The following GREB1L variants were observed in gnomAD, a reference collection of about 807,000 sequenced individuals.
The protein encoded by GREB1L is GREB1-like protein.
Under a neutral mutation model 200.8 loss-of-function variants are expected in GREB1L, and 17 were observed. The observed-to-expected ratio is 0.08, with a 90% CI of 0.06 to 0.13. The LOEUF is 0.13. GREB1L is among the 10% of genes least tolerant of loss of function. GREB1L has a pLI of 1.00. For missense variants in GREB1L, 1,657 were observed against 2,367.7 expected (o/e 0.70, Z 6.23); for synonymous variants, 789 against 893.0 (o/e 0.88, Z 2.08).
Position 21,518,100 on chromosome 18 carries a change from C to T in GREB1L, c.5338C>T (p.Leu1780=), listed in dbSNP as rs920058631. The T allele has an allele frequency of 6.4e-7, 1 of 1,551,648 alleles. No individual in the cohort carries two copies. The highest frequency in any genetic ancestry group is 8.7e-7 in the Non-Finnish European group (1 of 1,146,946). The change falls in exon 31 of 33, where the codon CTA becomes TTA. Residue 1780 remains leucine (L), a synonymous_variant. Transcript: ENST00000424526. ...CTGTGCTCCCGACAGTGAACACACA[C>T]TACTGGCAGCCCCTGCACAGTTTCT... ...YICAPDSEHT[L]LAAPAQFLLE... is the part of the protein sequence containing the mutation.
At chr18:21,358,602 A>T (rs375312255) in intron 1 of GREB1L, among the ~76,000 whole-genome samples, 2 of 152,328 alleles carry the variant, frequency 1.3e-5, no homozygotes, top group African/African-American at 4.8e-5. Flanking sequence ...GGCATGAGCC[A>T]CCGCGCCCAG....
chr18:21,284,301 A>G (rs2038319351), intron 1 of GREB1L, among the ~76,000 whole-genome samples: 1 of 152,208 alleles, frequency 6.6e-6, no homozygotes, highest in South Asian at 2.1e-4. Flanking sequence ...TCACCCTCCA[A>G]AAGAAACCTG....
intron 10 of GREB1L, among the ~76,000 whole-genome samples, chr18:21,443,475 G>A (rs1255129910): frequency 6.6e-6 from 1 of 152,232 alleles, no homozygotes; most frequent in African/African-American, 2.4e-5. Flanking sequence ...CCAAAGTGCG[G>A]GGATTATAGG....
intron 32 of GREB1L, among the ~76,000 whole-genome samples, chr18:21,522,245 G>A (rs941687782): frequency 6.6e-6 from 1 of 152,052 alleles, no homozygotes; most frequent in African/African-American, 2.4e-5. Flanking sequence ...GGCCGAGGCA[G>A]GTGGATCACG....
chr18:21,507,432 A>G (rs1458764255), intron 25 of GREB1L, among the ~76,000 whole-genome samples: 2 of 152,206 alleles, frequency 1.3e-5, no homozygotes, highest in African/African-American at 4.8e-5. Context: ...TGCTGATGAA[A>G]ATTGATGGTA....
rs973794558 is a variant in GREB1L at position 21,518,095 on chromosome 18, A to G, written c.5333A>G (p.His1778Arg). 6.4e-7 allele frequency: 1 copy of G among 1,551,612 alleles called. No individual in the cohort carries two copies. The highest frequency in any genetic ancestry group is 8.7e-7 in the Non-Finnish European group (1 of 1,146,970). Residue 1778 changes from histidine (H) to arginine (R), a missense_variant, in exon 31 of 33, where the codon CAC (histidine) becomes CGC (arginine). Transcript: ENST00000424526. Reference protein sequence around the residue: ...LQYICAPDSEHTLLAAPAQFL... With the variant: ...LQYICAPDSERTLLAAPAQFL... ...TACATCTGTGCTCCCGACAGTGAACACACACTACTGGCAGCCCCTGCACAG... is the reference window on the plus strand; with the variant it reads ...TACATCTGTGCTCCCGACAGTGAACGCACACTACTGGCAGCCCCTGCACAG...
intron 28 of GREB1L, among the ~76,000 whole-genome samples, chr18:21,514,444 G>A (rs969805776): frequency 7.2e-5 from 11 of 152,196 alleles, no homozygotes; most frequent in East Asian, 1.9e-4. Context: ...GAACCCAAGA[G>A]GCAGATGTTG....
At chr18:21,264,476 A>G (rs1435069776) in intron 1 of GREB1L, among the ~76,000 whole-genome samples, 2 of 152,210 alleles carry the variant, frequency 1.3e-5, no homozygotes, top group Non-Finnish European at 2.9e-5. Context: ...TAAGGGTGTC[A>G]TGGATGTTCA....
At chr18:21,440,517 C>T in intron 9 of GREB1L, 129 bp downstream of exon 9, 1 of 921,308 alleles carries the variant, frequency 1.1e-6, no homozygotes, top group Non-Finnish European at 1.6e-6. Context: ...AATGTTTTGT[C>T]CCGATCACAT....
rs778253008 is a variant in GREB1L at position 21,452,186 on chromosome 18, GGCT to G, written c.1960_1962del (p.Ala654del). 6.4e-7 allele frequency: 1 copy of G among 1,551,730 alleles called. No homozygotes were observed. The highest frequency in any genetic ancestry group is 8.7e-7 in the Non-Finnish European group (1 of 1,146,952). On this transcript the variant is annotated inframe_deletion, in exon 14 of 33. Coordinates refer to ENST00000424526, the MANE Select transcript of GREB1L (RefSeq NM_001142966.3). ...TTAATGAATGTGTGTCACCCCAGGA[GGCT>G]GCTGCTATGATTCCCACACAAAACC...
chr18:21,268,560 C>CATATATATATATATATATATATAT (rs370094258), intron 1 of GREB1L, among the ~76,000 whole-genome samples: 3 of 63,534 alleles, frequency 4.7e-5, no homozygotes, highest in African/African-American at 2.2e-4. Flanking sequence ...CACACACACA[C>CATATATATATATATATATATATAT]ATATATATAT....
intron 21 of GREB1L, among the ~76,000 whole-genome samples, chr18:21,497,816 C>CG (rs981398546): frequency 8.0e-6 from 1 of 125,364 alleles, no homozygotes; most frequent in Non-Finnish European, 1.8e-5. Flanking sequence ...TCACCACCCC[C>CG]CCCCCTTTTT....
intron 20 of GREB1L, among the ~76,000 whole-genome samples, chr18:21,496,080 G>C (rs1315400248): frequency 2.6e-5 from 4 of 152,130 alleles, no homozygotes; most frequent in Non-Finnish European, 4.4e-5. Context: ...TTGTTAATCT[G>C]CTATTCCTGC....
At chr18:21,419,305 T>A (rs542769525) in intron 7 of GREB1L, among the ~76,000 whole-genome samples, 46 of 152,342 alleles carry the variant, frequency 3.0e-4, no homozygotes, top group African/African-American at 1.1e-3. Context: ...CGTGATTGTC[T>A]ATGTAGAAGA....
At chr18:21,390,952 GTGTTTTAAGTTTTA>G (rs1264472283) in intron 4 of GREB1L, among the ~76,000 whole-genome samples, 1 of 152,188 alleles carries the variant, frequency 6.6e-6, no homozygotes, top group Non-Finnish European at 1.5e-5. Flanking sequence ...CAAAGTGTTT[GTGTTTTAAGTTTTA>G]TTATGAATCA....
intron 11 of GREB1L, among the ~76,000 whole-genome samples, chr18:21,448,131 C>A (rs2145377494): frequency 6.9e-6 from 1 of 144,818 alleles, no homozygotes; most frequent in Admixed American, 7.0e-5. Context: ...CACTGCACTC[C>A]AGCCTGGATG....
chr18:21,433,610 T>G (rs2033321266), intron 7 of GREB1L, among the ~76,000 whole-genome samples: 1 of 152,182 alleles, frequency 6.6e-6, no homozygotes, highest in Non-Finnish European at 1.5e-5. Flanking sequence ...CACTCACAGG[T>G]GAGTAAGTCA....
intron 1 of GREB1L, among the ~76,000 whole-genome samples, chr18:21,298,328 A>G (rs1427334365): frequency 6.6e-6 from 1 of 152,102 alleles, no homozygotes; most frequent in Non-Finnish European, 1.5e-5. Context: ...TCTCTTTACT[A>G]GTTCAACAAG....
At chr18:21,298,525 A>G (rs1217985782) in intron 1 of GREB1L, among the ~76,000 whole-genome samples, 6 of 152,210 alleles carry the variant, frequency 3.9e-5, no homozygotes, top group South Asian at 2.1e-4. Context: ...TTTGCTAAGT[A>G]TGTACAAATA....
Sources: gnomAD v4.1 joint callset for allele counts (sites outside exome capture counted in the v4.1 genomes callset) on GRCh38, gnomAD v4.1.1 for gene constraint, MANE v1.5 for transcripts, NCBI Gene and HGNC (gene_info 2026-07-23, HGNC 2026-07-21) for gene names.